Variants in APOLD1 observed in about 807,000 individuals in gnomAD.
The protein encoded by APOLD1 is apolipoprotein L domain containing 1, also known as apolipoprotein L domain-containing protein 1.
APOLD1 carries 22 observed loss-of-function variants against 15.3 expected under a neutral mutation model. The observed-to-expected ratio is 1.44, with a 90% CI of 1.03 to 2.05. APOLD1 has a LOEUF of 2.05. Among genes scored for constraint, APOLD1 ranks in the 30% most tolerant of loss-of-function variants. The pLI is 0.00. For missense variants in APOLD1, 394 were observed against 353.5 expected (o/e 1.11, Z -0.92); for synonymous variants, 190 against 167.4 (o/e 1.13, Z -1.04).
chr12:12,775,931 G>A (rs1042904778), intron 1 of APOLD1, among the ~76,000 whole-genome samples: 1 of 132,926 alleles, frequency 7.5e-6, no homozygotes, highest in East Asian at 2.6e-4. Context: ...TTGAGCCTAG[G>A]AGTTCAAAGT....
chr12:12,727,150 A>G (rs1946600032), intron 1 of APOLD1, among the ~76,000 whole-genome samples: 1 of 152,196 alleles, frequency 6.6e-6, no homozygotes, highest in Non-Finnish European at 1.5e-5. Context: ...GCTCATTAGC[A>G]TCTTGTAGAG....
intron 1 of APOLD1, among the ~76,000 whole-genome samples, chr12:12,774,134 T>G (rs1245484488): frequency 6.6e-6 from 1 of 152,156 alleles, no homozygotes; most frequent in Non-Finnish European, 1.5e-5. Flanking sequence ...CAAAAGACAC[T>G]GTGAATTGAA....
intron 1 of APOLD1, among the ~76,000 whole-genome samples, chr12:12,748,218 A>G (rs535271657): frequency 6.6e-6 from 1 of 152,360 alleles, no homozygotes; most frequent in Non-Finnish European, 1.5e-5. Context: ...TGGGTTCTCT[A>G]TGGACCACGG....
Position 12,726,338 on chromosome 12 carries a change from A to G in APOLD1, c.96+242A>G, listed in dbSNP as rs868754024. On this transcript the variant is annotated intron_variant, in intron 1 of 1. Coordinates refer to the APOLD1 transcript ENST00000326765. ...GAATATGTTAAAACAAACTCAAGAT[A>G]CGAAATGAGACTTTTGAAGTGCCTT... 2.0e-5 allele frequency: 12 copies of G among 612,254 alleles called. No homozygotes were observed. The Middle Eastern group carries it at 3.0e-3, about 154-fold the overall frequency. 37.9% of individuals were successfully genotyped at this position (612,254 alleles called of 1,614,324 possible).
At chr12:12,756,932 G>T (rs1355768288) in intron 1 of APOLD1, among the ~76,000 whole-genome samples, 1 of 151,976 alleles carries the variant, frequency 6.6e-6, no homozygotes, top group African/African-American at 2.4e-5. Flanking sequence ...GATTACAGGC[G>T]CCCACCACCA....
Position 12,789,753 on chromosome 12 carries a change from G to A in APOLD1, c.*2101G>A, listed in dbSNP as rs770596113. On this transcript the variant is annotated 3_prime_UTR_variant, in exon 2 of 2. Transcript: ENST00000356591. ...TCTTTGGGACCATACATGCAAAAAC[G>A]GTGCCTCTGTTACTTAATTATTTAA... 6.6e-6 allele frequency: 1 copy of A among 152,140 alleles called. No homozygotes were observed. Among genetic ancestry groups the A allele is most frequent in the Non-Finnish European group, 1.5e-5 (1 of 68,024 alleles). The allele number at this position is 152,140 out of a possible 1,614,324, so 9.4% of individuals were successfully genotyped here. A position where few individuals can be genotyped will look rare whatever the true frequency, so the allele number is the denominator to read the frequency against.
At chr12:12,763,666 A>G (rs1189133016) in intron 1 of APOLD1, among the ~76,000 whole-genome samples, 2 of 152,142 alleles carry the variant, frequency 1.3e-5, no homozygotes, top group Non-Finnish European at 2.9e-5. Flanking sequence ...TTATATGCAA[A>G]CGCTATACCA....
intron 1 of APOLD1, among the ~76,000 whole-genome samples, chr12:12,730,112 C>T (rs1946627146): frequency 6.7e-6 from 1 of 150,032 alleles, no homozygotes; most frequent in Non-Finnish European, 1.5e-5. Context: ...CAGGTTCTTG[C>T]TATGTTGTCC....
intron 1 of APOLD1, among the ~76,000 whole-genome samples, chr12:12,744,627 C>T (rs1414756143): frequency 6.6e-6 from 1 of 152,184 alleles, no homozygotes; most frequent in Admixed American, 6.5e-5. Context: ...CAGCTCTCAA[C>T]TCTAGGCAGG....
Position 12,787,851 on chromosome 12 carries a change from C to A in APOLD1, c.*199C>A. On this transcript the variant is annotated 3_prime_UTR_variant, in exon 2 of 2. Coordinates refer to ENST00000356591, the MANE Select transcript of APOLD1 (RefSeq NM_030817.3). The surrounding 1 kb of genome is among the most constrained non-coding windows in gnomAD (Gnocchi z 4.9). Reference sequence around the variant, plus strand: ...GACATCTGCCTGGGCTTGAGTGCTACGGACTTTTCAGTCTTCCTAGTGGAA... The same window carrying A: ...GACATCTGCCTGGGCTTGAGTGCTAAGGACTTTTCAGTCTTCCTAGTGGAA... 3 of 714,512 alleles carry A rather than the reference C, an allele frequency of 4.2e-6. No individual in the cohort carries two copies. Among genetic ancestry groups the A allele is most frequent in the Non-Finnish European group, 6.5e-6 (3 of 461,134 alleles). The allele number at this position is 714,512 out of a possible 1,614,324, so 44.3% of individuals were successfully genotyped here. A position where few individuals can be genotyped will look rare whatever the true frequency, so the allele number is the denominator to read the frequency against.
At chr12:12,770,567 G>GAAAAAAAAAAAAAAA (rs36112693) in intron 1 of APOLD1, among the ~76,000 whole-genome samples, 2 of 119,266 alleles carry the variant, frequency 1.7e-5, no homozygotes, top group Admixed American at 8.4e-5. Context: ...AAAAAAGACT[G>GAAAAAAAAAAAAAAA]AAAAAAAAAA....
upstream of APOLD1, among the ~76,000 whole-genome samples, chr12:12,782,311 G>A (rs1412277453): frequency 6.6e-6 from 1 of 152,002 alleles, no homozygotes; most frequent in East Asian, 1.9e-4. Flanking sequence ...AGTTCCTAGA[G>A]CAGTGGTTCA....
chr12:12,764,589 T>G (rs1946929978), intron 1 of APOLD1: 1 of 333,114 alleles, frequency 3.0e-6, no homozygotes, highest in South Asian at 2.8e-5. Flanking sequence ...TTTCTATATT[T>G]TAATTTTTAT....
intron 1 of APOLD1, among the ~76,000 whole-genome samples, chr12:12,780,383 T>C (rs1947070315): frequency 6.6e-6 from 1 of 151,786 alleles, no homozygotes; most frequent in Non-Finnish European, 1.5e-5. Context: ...ACCAAGTAGC[T>C]GGGACTACAG....
At chr12:12,739,711 T>A (rs1946717412) in intron 1 of APOLD1, among the ~76,000 whole-genome samples, 1 of 152,160 alleles carries the variant, frequency 6.6e-6, no homozygotes, top group South Asian at 2.1e-4. Flanking sequence ...ATTACATGGG[T>A]CTTAAAAATA....
intron 1 of APOLD1, chr12:12,726,370 C>A: frequency 1.9e-6 from 1 of 532,308 alleles, no homozygotes; most frequent in Non-Finnish European, 3.5e-6. Flanking sequence ...CCTTTGATTT[C>A]TGGGTACGGA....
chr12:12,733,532 TA>T (rs1946659823), intron 1 of APOLD1, among the ~76,000 whole-genome samples: 1 of 152,248 alleles, frequency 6.6e-6, no homozygotes, highest in Non-Finnish European at 1.5e-5. Flanking sequence ...GACTTTCCCT[TA>T]AACATTTATG....
intron 1 of APOLD1, among the ~76,000 whole-genome samples, chr12:12,730,578 G>A (rs1043090681): frequency 6.6e-6 from 1 of 150,752 alleles, no homozygotes; most frequent in Non-Finnish European, 1.5e-5. Context: ...CTACTGGAGA[G>A]GCTGAGGCAG....
At chr12:12,770,916 T>A (rs1946982594) in intron 1 of APOLD1, among the ~76,000 whole-genome samples, 1 of 152,044 alleles carries the variant, frequency 6.6e-6, no homozygotes, top group Non-Finnish European at 1.5e-5. Flanking sequence ...CAACTTCTCC[T>A]CAGACAGTAT....
Sources: gnomAD v4.1 joint callset for allele counts (sites outside exome capture counted in the v4.1 genomes callset) on GRCh38, gnomAD v4.1.1 for gene constraint, Gnocchi (gnomAD v3.1) non-coding constraint, MANE v1.5 for transcripts, NCBI Gene and HGNC (gene_info 2026-07-23, HGNC 2026-07-21) for gene names.